Variants in FSTL4 observed in about 807,000 individuals in gnomAD.
The protein encoded by FSTL4 is follistatin like 4, also known as follistatin-related protein 4.
FSTL4 carries 28 observed loss-of-function variants against 78.2 expected under a neutral mutation model. That is an observed-to-expected ratio of 0.36 (90% CI 0.27 to 0.49). The LOEUF (loss-of-function observed/expected upper bound fraction) is 0.49, where lower values mean the gene tolerates loss of function less well. Among genes scored for constraint, FSTL4 ranks in the 20% least tolerant of loss-of-function variants. The pLI is 0.98. For synonymous variants in FSTL4, 422 were observed against 440.5 expected (o/e 0.96, Z 0.53); for missense variants, 922 against 1,084.9 (o/e 0.85, Z 2.11).
chr5:133,463,608 C>T (rs1433664025), intron 3 of FSTL4, among the ~76,000 whole-genome samples: 1 of 152,246 alleles, frequency 6.6e-6, no homozygotes, highest in Non-Finnish European at 1.5e-5. Flanking sequence ...ACACTCTCCT[C>T]CCTCATCTTT....
the FSTL4 span, among the ~76,000 whole-genome samples, chr5:133,753,687 G>GTGTT: frequency 5.9e-4 from 21 of 35,728 alleles, no homozygotes; most frequent in African/African-American, 1.9e-3. Context: ...TTTGTTCTGT[G>GTGTT]TGTGTGTGTG....
intron 3 of FSTL4, among the ~76,000 whole-genome samples, chr5:133,445,515 G>A (rs1305220372): frequency 2.0e-5 from 3 of 152,210 alleles, no homozygotes; most frequent in Non-Finnish European, 4.4e-5. Context: ...TGCAGTGCTG[G>A]GGTATGCTGT....
chr5:133,676,921 G>A, the FSTL4 span, among the ~76,000 whole-genome samples: 1 of 152,146 alleles, frequency 6.6e-6, no homozygotes, highest in East Asian at 1.9e-4. Flanking sequence ...TCCACCACGA[G>A]GGTTTTAATC....
At chr5:133,769,085 C>T in the FSTL4 span, among the ~76,000 whole-genome samples, 11 of 152,150 alleles carry the variant, frequency 7.2e-5, no homozygotes, top group East Asian at 1.9e-4. Flanking sequence ...GTTCTTTGGG[C>T]GATGTTTTCT....
At chr5:133,206,876 A>T (rs1750529277) in intron 14 of FSTL4, among the ~76,000 whole-genome samples, 1 of 152,046 alleles carries the variant, frequency 6.6e-6, no homozygotes, top group South Asian at 2.1e-4. Flanking sequence ...TTTAAGACCC[A>T]AGAATTCCTT....
chr5:133,530,658 T>C (rs861106), intron 3 of FSTL4, among the ~76,000 whole-genome samples: 56,101 of 152,084 alleles, frequency 0.37, 10,512 homozygotes, highest in East Asian at 0.42. Context: ...CTCCTCCAGC[T>C]AGAAATTGCT....
chr5:133,358,600 T>C (rs1179455791), intron 4 of FSTL4, among the ~76,000 whole-genome samples: 2 of 148,332 alleles, frequency 1.3e-5, no homozygotes, highest in Non-Finnish European at 3.0e-5. Flanking sequence ...TCTTTTTTTT[T>C]TTTTTTTTTT....
At chr5:133,454,596 C>T (rs982971043) in intron 3 of FSTL4, among the ~76,000 whole-genome samples, 14 of 152,160 alleles carry the variant, frequency 9.2e-5, no homozygotes, top group African/African-American at 2.9e-4. Flanking sequence ...CCCTCAAAGG[C>T]GGCATTTCTC....
chr5:133,680,258 C>T, the FSTL4 span, among the ~76,000 whole-genome samples: 1 of 152,160 alleles, frequency 6.6e-6, no homozygotes, highest in South Asian at 2.1e-4. Context: ...ACTATGAGGC[C>T]CTGTGCTGAA....
intron 3 of FSTL4, among the ~76,000 whole-genome samples, chr5:133,434,304 A>G (rs192116270): frequency 1.3e-5 from 2 of 152,216 alleles, no homozygotes; most frequent in Non-Finnish European, 2.9e-5. Context: ...TTCAGAGAGA[A>G]TAACTCCACA....
the FSTL4 span, among the ~76,000 whole-genome samples, chr5:133,636,147 ATT>A: frequency 6.6e-6 from 1 of 152,188 alleles, no homozygotes; most frequent in Non-Finnish European, 1.5e-5. Flanking sequence ...CGTAGAAGAT[ATT>A]TACTGGCTTC....
chr5:133,448,871 T>G (rs974357520), intron 3 of FSTL4, among the ~76,000 whole-genome samples: 1 of 152,144 alleles, frequency 6.6e-6, no homozygotes, highest in Non-Finnish European at 1.5e-5. Flanking sequence ...CTAGTTCTCT[T>G]TTGAAGCCAC....
the FSTL4 span, among the ~76,000 whole-genome samples, chr5:133,657,767 T>A: frequency 9.6e-6 from 1 of 104,406 alleles, no homozygotes; most frequent in African/African-American, 4.4e-5. Flanking sequence ...CTGTTTTTTG[T>A]TTTTTTTGTT....
chr5:133,199,028 A>T lies in FSTL4; in HGVS notation c.*67T>A. 1.0e-6 allele frequency: 1 copy of T among 996,442 alleles called. No homozygotes were observed. Among genetic ancestry groups the T allele is most frequent in the Non-Finnish European group, 1.5e-6 (1 of 680,248 alleles). The allele number at this position is 996,442 out of a possible 1,614,324, so 61.7% of individuals were successfully genotyped here. A position where few individuals can be genotyped will look rare whatever the true frequency, so the allele number is the denominator to read the frequency against. On this transcript the variant is annotated 3_prime_UTR_variant, in exon 16 of 16. Coordinates refer to ENST00000265342, the MANE Select transcript of FSTL4 (RefSeq NM_015082.2). The surrounding 1 kb of genome is among the most constrained non-coding windows in gnomAD (Gnocchi z 4.4). ...TTTTGTCTGTAAAAATGTACAGCGT[A>T]CCTGCTTGAGGCTGCAGTGTCAGGA...
chr5:133,695,828 T>C, the FSTL4 span, among the ~76,000 whole-genome samples: 1 of 152,144 alleles, frequency 6.6e-6, no homozygotes, highest in Non-Finnish European at 1.5e-5. Context: ...TGGGACAATA[T>C]GGAAGTAAAG....
At chr5:133,581,374 C>T (rs891375617) in intron 2 of FSTL4, among the ~76,000 whole-genome samples, 1 of 152,166 alleles carries the variant, frequency 6.6e-6, no homozygotes, top group Non-Finnish European at 1.5e-5. Context: ...TCAGTTTCCT[C>T]GTCTGAAGAG....
chr5:133,206,011 A>AATTCTGCCTCTGTATTTAT (rs1199991710), intron 14 of FSTL4, among the ~76,000 whole-genome samples: 2 of 152,218 alleles, frequency 1.3e-5, no homozygotes, highest in Non-Finnish European at 2.9e-5. Context: ...TTAAAAACAG[A>AATTCTGCCTCTGTATTTAT]ATTCTGCCTC....
intron 4 of FSTL4, among the ~76,000 whole-genome samples, chr5:133,381,867 A>G (rs1755582551): frequency 6.6e-6 from 1 of 152,222 alleles, no homozygotes; most frequent in East Asian, 1.9e-4. Context: ...GCTGGCCGGG[A>G]TGCCGTGGAC....
chr5:133,234,031 C>T (rs7719332), intron 7 of FSTL4, among the ~76,000 whole-genome samples: 96,456 of 152,046 alleles, frequency 0.63, 32,424 homozygotes, highest in East Asian at 0.89. Flanking sequence ...AACTCCGCCA[C>T]TACAGCATGA....
Sources: gnomAD v4.1 joint callset for allele counts (sites outside exome capture counted in the v4.1 genomes callset) on GRCh38, gnomAD v4.1.1 for gene constraint, Gnocchi (gnomAD v3.1) non-coding constraint, MANE v1.5 for transcripts, NCBI Gene and HGNC (gene_info 2026-07-23, HGNC 2026-07-21) for gene names.